Variants in CNTNAP5 observed in about 807,000 individuals in gnomAD.
The protein encoded by CNTNAP5 is contactin-associated protein-like 5.
In CNTNAP5, 72 loss-of-function variants were observed where a neutral mutation model predicts 150.2. The observed-to-expected ratio is 0.48, with a 90% CI of 0.40 to 0.58. CNTNAP5 has a LOEUF of 0.58. Ranked by LOEUF, CNTNAP5 falls within the 20% of genes least tolerant of loss-of-function variation. CNTNAP5 has a pLI of 0.00. For missense variants in CNTNAP5, 1,636 were observed against 1,626.2 expected (o/e 1.01, Z -0.10); for synonymous variants, 672 against 619.8 (o/e 1.08, Z -1.25).
intron 13 of CNTNAP5, among the ~76,000 whole-genome samples, chr2:124,736,582 A>T (rs1363855161): frequency 6.6e-6 from 1 of 152,194 alleles, no homozygotes; most frequent in African/African-American, 2.4e-5. Context: ...GTCTCATTCT[A>T]TGCCACACTT....
intron 5 of CNTNAP5, among the ~76,000 whole-genome samples, chr2:124,439,621 A>C (rs1242363308): frequency 6.6e-6 from 1 of 152,170 alleles, no homozygotes; most frequent in African/African-American, 2.4e-5. Flanking sequence ...TGCTTTAGAG[A>C]AACATAGAGA....
At chr2:124,397,674 G>A (rs767332779) in intron 3 of CNTNAP5, among the ~76,000 whole-genome samples, 11 of 152,034 alleles carry the variant, frequency 7.2e-5, no homozygotes, top group Non-Finnish European at 1.5e-4. Flanking sequence ...CTTTTCCCAC[G>A]GTATTGTTAT....
intron 1 of CNTNAP5, among the ~76,000 whole-genome samples, chr2:124,036,522 T>A (rs1681225500): frequency 6.6e-6 from 1 of 152,110 alleles, no homozygotes; most frequent in African/African-American, 2.4e-5. Flanking sequence ...CCAGGGCAGA[T>A]GCTTTCTGAT....
At chr2:124,696,825 T>C (rs1679415585) in intron 13 of CNTNAP5, among the ~76,000 whole-genome samples, 1 of 152,132 alleles carries the variant, frequency 6.6e-6, no homozygotes, top group African/African-American at 2.4e-5. Context: ...CATAAGTACA[T>C]TTTTCTTGTA....
chr2:124,839,451 T>C (rs1343056316), intron 19 of CNTNAP5, among the ~76,000 whole-genome samples: 4 of 149,862 alleles, frequency 2.7e-5, no homozygotes, highest in African/African-American at 9.9e-5. Flanking sequence ...CTCTCTCCCT[T>C]TCCCCCTCTC....
intron 1 of CNTNAP5, among the ~76,000 whole-genome samples, chr2:124,049,307 C>T (rs1444559375): frequency 6.6e-6 from 1 of 152,130 alleles, no homozygotes; most frequent in Non-Finnish European, 1.5e-5. Context: ...GGCTGCAATA[C>T]GAATGCCTCA....
chr2:124,666,283 A>G (rs1027275601), intron 13 of CNTNAP5, among the ~76,000 whole-genome samples: 5 of 152,170 alleles, frequency 3.3e-5, no homozygotes, highest in Admixed American at 6.5e-5. Context: ...TTAATTTGCC[A>G]TGGGTTAAAG....
chr2:124,214,166 A>G (rs77451449), intron 1 of CNTNAP5, among the ~76,000 whole-genome samples: 3 of 152,216 alleles, frequency 2.0e-5, no homozygotes, highest in African/African-American at 7.2e-5. Context: ...AAGCTGCACC[A>G]GGAGGCTCCC....
chr2:124,475,139 CTG>C (rs1693610903), intron 7 of CNTNAP5, among the ~76,000 whole-genome samples: 1 of 151,560 alleles, frequency 6.6e-6, no homozygotes, highest in African/African-American at 2.4e-5. Context: ...CATATTTCAA[CTG>C]TGGGTAGTAT....
intron 3 of CNTNAP5, among the ~76,000 whole-genome samples, chr2:124,289,228 A>G (rs1688225746): frequency 6.6e-6 from 1 of 152,174 alleles, no homozygotes; most frequent in African/African-American, 2.4e-5. Flanking sequence ...CACTAATTAG[A>G]CACCTATCAT....
At chr2:124,886,153 T>C (rs2104743162) in intron 21 of CNTNAP5, among the ~76,000 whole-genome samples, 1 of 152,210 alleles carries the variant, frequency 6.6e-6, no homozygotes, top group African/African-American at 2.4e-5. Flanking sequence ...ATTCTTTTAA[T>C]TATCCTACAT....
intron 21 of CNTNAP5, among the ~76,000 whole-genome samples, chr2:124,877,922 C>T (rs1381357829): frequency 6.6e-6 from 1 of 151,950 alleles, no homozygotes; most frequent in Non-Finnish European, 1.5e-5. Flanking sequence ...ATTTATTTTT[C>T]CCCTGGTCAT....
intron 13 of CNTNAP5, among the ~76,000 whole-genome samples, chr2:124,744,016 A>C (rs1237139287): frequency 6.6e-6 from 1 of 152,100 alleles, no homozygotes; most frequent in Non-Finnish European, 1.5e-5. Flanking sequence ...ATGGTTTAAA[A>C]TTGTAACACA....
intron 13 of CNTNAP5, among the ~76,000 whole-genome samples, chr2:124,694,399 A>C (rs1679361458): frequency 6.6e-6 from 1 of 152,146 alleles, no homozygotes; most frequent in African/African-American, 2.4e-5. Context: ...GCTCGCCTGC[A>C]TAGAGTCAAA....
chr2:124,684,145 G>C (rs1679142362), intron 13 of CNTNAP5, among the ~76,000 whole-genome samples: 1 of 152,170 alleles, frequency 6.6e-6, no homozygotes, highest in Admixed American at 6.5e-5. Context: ...GGAAGTAAAA[G>C]CTAAATGTGT....
At chr2:124,725,101 A>G (rs1235553859) in intron 13 of CNTNAP5, among the ~76,000 whole-genome samples, 1 of 151,738 alleles carries the variant, frequency 6.6e-6, no homozygotes, top group African/African-American at 2.4e-5. Context: ...TTATTTTCCA[A>G]CTCAATGTTT....
chr2:124,906,087 G>T (rs1678530313), intron 22 of CNTNAP5, among the ~76,000 whole-genome samples: 1 of 133,394 alleles, frequency 7.5e-6, no homozygotes, highest in South Asian at 2.4e-4. Flanking sequence ...AGATGTCAAA[G>T]CATCATAAAT....
At chr2:124,579,981 G>A (rs776447034) in intron 11 of CNTNAP5, among the ~76,000 whole-genome samples, 11 of 152,214 alleles carry the variant, frequency 7.2e-5, no homozygotes, top group Admixed American at 2.0e-4. Context: ...AAGACTTTAA[G>A]GAAATACATA....
At chr2:124,255,524 AAAAATAAAATAAAATAAAATAAAAT>A (rs202068928) in intron 3 of CNTNAP5, among the ~76,000 whole-genome samples, 254 of 132,146 alleles carry the variant, frequency 1.9e-3, no homozygotes, top group East Asian at 7.3e-3. Context: ...ACTCTGTCTC[AAAAATAAAATAAAATAAAATAAAAT>A]AAAATAAAAT....
Sources: gnomAD v4.1 joint callset for allele counts (sites outside exome capture counted in the v4.1 genomes callset) on GRCh38, gnomAD v4.1.1 for gene constraint, MANE v1.5 for transcripts, NCBI Gene and HGNC (gene_info 2026-07-23, HGNC 2026-07-21) for gene names.